AMOTL1: variants seen among roughly 807,000 people sequenced by gnomAD.
AMOTL1 encodes the protein angiomotin-like protein 1.
AMOTL1 carries 45 observed loss-of-function variants against 102.9 expected under a neutral mutation model. The ratio of observed to expected loss-of-function variants is 0.44; its 90% CI spans 0.34 to 0.56. AMOTL1 has a LOEUF of 0.56. Ranked by LOEUF, AMOTL1 falls within the 20% of genes least tolerant of loss-of-function variation. The pLI is 0.01. For synonymous variants in AMOTL1, 481 were observed against 484.7 expected, an observed-to-expected ratio of 0.99 and a Z score of 0.10; for missense variants, 1,114 against 1,225.6, an observed-to-expected ratio of 0.91 and a Z score of 1.36.
rs781105353 is a variant in AMOTL1, at chr11:94,799,615, A to G, written c.425A>G (p.Glu142Gly). The G allele has an allele frequency of 1.9e-6, 3 of 1,613,966 alleles. No homozygotes were observed. The highest frequency in any genetic ancestry group is 2.5e-6 in the Non-Finnish European group (3 of 1,179,868). The change falls in exon 3 of 13, where the codon GAA becomes GGA. Residue 142 changes from glutamate to glycine, a missense_variant. By Grantham distance (98) the Glu-to-Gly change is moderately conservative. Coordinates refer to ENST00000433060, the MANE Select transcript of AMOTL1 (RefSeq NM_130847.3). The surrounding 1 kb of genome is among the most constrained non-coding windows in gnomAD (Gnocchi z 4.5). The part of the protein sequence containing the change: ...AHPTNNFSST[E>G]NLTQEDPQMV... ...CCTACAAACAACTTTTCTTCCACGG[A>G]AAACCTCACTCAAGAAGACCCACAA...
intron 3 of AMOTL1, among the ~76,000 whole-genome samples, chr11:94,750,913 A>G (rs1227320774): frequency 3.3e-5 from 5 of 152,180 alleles, no homozygotes; most frequent in Non-Finnish European, 7.4e-5. Context: ...TCTCAGAACA[A>G]CTTAGTGAAG....
chr11:94,860,844 A>G (rs375172910), intron 9 of AMOTL1, among the ~76,000 whole-genome samples: 3 of 152,184 alleles, frequency 2.0e-5, no homozygotes, highest in African/African-American at 7.2e-5. Context: ...ATGGGTTACT[A>G]TATTTTTAAT....
Position 94,748,424 on chromosome 11 carries a change from C to T in AMOTL1, c.136+7436C>T, listed in dbSNP as rs532512596. ...CCTGAACTTTAGTCACGTGGCTACC[C>T]GCAGTTCCAGGAAGACTGGGAAAAC... On this transcript the variant is annotated intron_variant, in intron 3 of 4. Coordinates refer to the AMOTL1 transcript ENST00000299004. Among the ~76,000 whole-genome samples the T allele has an allele frequency of 1.4e-3, 206 of 152,266 alleles. 1 individual carries two copies. Among genetic ancestry groups the T allele is most frequent in the Non-Finnish European group, 2.0e-3 (139 of 68,020 alleles).
intron 6 of AMOTL1, among the ~76,000 whole-genome samples, chr11:94,849,312 T>TA (rs1481006713): frequency 1.3e-5 from 2 of 152,226 alleles, no homozygotes; most frequent in East Asian, 1.9e-4. Flanking sequence ...GTCTTATTTT[T>TA]AAAAAACAGC....
chr11:94,798,874 A>G (rs1015533918), intron 2 of AMOTL1, among the ~76,000 whole-genome samples: 2 of 152,040 alleles, frequency 1.3e-5, no homozygotes, highest in Non-Finnish European at 2.9e-5. Context: ...TTCTCATTGG[A>G]TTTGCTTACT....
At chr11:94,792,076 T>A (rs759381646) in intron 1 of AMOTL1, among the ~76,000 whole-genome samples, 1 of 152,164 alleles carries the variant, frequency 6.6e-6, no homozygotes, top group Non-Finnish European at 1.5e-5. Context: ...CTAGTAGAAG[T>A]CCATCAATGA....
intron 2 of AMOTL1, among the ~76,000 whole-genome samples, chr11:94,739,415 G>A (rs1950485399): frequency 6.6e-6 from 1 of 152,158 alleles, no homozygotes; most frequent in African/African-American, 2.4e-5. Context: ...GCTTGGGGAG[G>A]ACAGCCCCAC....
At chr11:94,765,620 CA>C (rs1950846612), upstream of AMOTL1, among the ~76,000 whole-genome samples, 1 of 152,162 alleles carries the variant, frequency 6.6e-6, no homozygotes, top group Non-Finnish European at 1.5e-5. Context: ...AGGCTAGGTC[CA>C]CCTGATTGAA....
chr11:94,747,331 C>T (rs1162340623), intron 3 of AMOTL1, among the ~76,000 whole-genome samples: 1 of 152,074 alleles, frequency 6.6e-6, no homozygotes, highest in Non-Finnish European at 1.5e-5. Context: ...TGTCTCTGCT[C>T]AGACCTGGTG....
intron 1 of AMOTL1, among the ~76,000 whole-genome samples, chr11:94,793,190 T>C (rs916207141): frequency 6.6e-6 from 1 of 152,262 alleles, no homozygotes; most frequent in Admixed American, 6.5e-5. Context: ...TGTAATATGC[T>C]GGCACATGGC....
upstream of AMOTL1, among the ~76,000 whole-genome samples, chr11:94,764,082 C>A (rs1306971891): frequency 6.6e-6 from 1 of 152,220 alleles, no homozygotes. Flanking sequence ...CTCGAAATAT[C>A]CTCCTCTCAG....
Position 94,859,611 on chromosome 11 carries a change from C to T in AMOTL1, c.2031C>T (p.Ile677=). The change falls in exon 9 of 13, where the codon ATC becomes ATT. Residue 677 remains isoleucine, a synonymous_variant. Transcript: ENST00000433060. ...LELVREKEER[I]LALEADMTKW... is the part of the protein sequence containing the mutation. ...TTGTGCGGGAGAAGGAGGAGCGGAT[C>T]CTGGCCCTGGAGGCCGACATGACAA... 6.2e-7 allele frequency: 1 copy of T among 1,613,908 alleles called. No individual in the cohort carries two copies. Among genetic ancestry groups the T allele is most frequent in the Non-Finnish European group, 8.5e-7 (1 of 1,179,852 alleles).
chr11:94,804,239 G>C (rs567686335), intron 3 of AMOTL1, among the ~76,000 whole-genome samples: 1 of 152,190 alleles, frequency 6.6e-6, no homozygotes, highest in Non-Finnish European at 1.5e-5. Flanking sequence ...TTTGACCAAC[G>C]TTAGTTATTA....
In AMOTL1 at chr11:94,866,090, C is replaced by T. The variant is rs754804353; in HGVS notation, c.2410C>T (p.His804Tyr). Residue 804 changes from histidine to tyrosine, a missense_variant, in exon 11 of 13, where the codon CAC (histidine) becomes TAC (tyrosine). Coordinates refer to ENST00000433060, the MANE Select transcript of AMOTL1 (RefSeq NM_130847.3). ...VPSIAAATGTHSRQTSLTSSQ... is the reference protein window; with the variant it reads ...VPSIAAATGTYSRQTSLTSSQ... ...ATCCATAGCAGCAGCTACTGGGACA[C>T]ACTCTCGCCAGACCTCTCTTACCAG... The T allele has an allele frequency of 2.7e-5, 44 of 1,613,860 alleles. No individual in the cohort carries two copies. The highest frequency in any genetic ancestry group is 3.3e-5 in the South Asian group (3 of 91,076).
chr11:94,840,963 T>C (rs899212213), intron 6 of AMOTL1, among the ~76,000 whole-genome samples: 6 of 152,030 alleles, frequency 3.9e-5, no homozygotes, highest in Admixed American at 6.6e-5. Context: ...CTCACCTCTG[T>C]AAGTGAGCTG....
At chr11:94,840,681 T>TATATATATATATATACACACACAC (rs1166713705) in intron 6 of AMOTL1, among the ~76,000 whole-genome samples, 2 of 104,784 alleles carry the variant, frequency 1.9e-5, no homozygotes, top group Admixed American at 1.1e-4. Context: ...TATATATATA[T>TATATATATATATATACACACACAC]ACACACACAC....
intron 3 of AMOTL1, among the ~76,000 whole-genome samples, chr11:94,805,210 T>C (rs1565359667): frequency 6.6e-6 from 1 of 152,236 alleles, no homozygotes; most frequent in Non-Finnish European, 1.5e-5. Context: ...TCACATGTGA[T>C]GTCCAGCCTG....
intron 1 of AMOTL1, among the ~76,000 whole-genome samples, chr11:94,726,885 A>G (rs1950269461): frequency 6.6e-6 from 1 of 152,170 alleles, no homozygotes; most frequent in African/African-American, 2.4e-5. Context: ...ATGCCATTTC[A>G]TTTTACATTT....
At chr11:94,720,018 C>T (rs1950152528) in intron 1 of AMOTL1, among the ~76,000 whole-genome samples, 1 of 152,092 alleles carries the variant, frequency 6.6e-6, no homozygotes, top group African/African-American at 2.4e-5. Context: ...CAGCTGAGAA[C>T]CACTGCTGTA....
Sources: gnomAD v4.1 joint callset for allele counts (sites outside exome capture counted in the v4.1 genomes callset) on GRCh38, gnomAD v4.1.1 for gene constraint, Gnocchi (gnomAD v3.1) non-coding constraint, MANE v1.5 for transcripts, NCBI Gene and HGNC (gene_info 2026-07-23, HGNC 2026-07-21) for gene names.